The following CACNG6 variants were observed in gnomAD, a reference collection of about 807,000 sequenced individuals.
The protein encoded by CACNG6 is calcium voltage-gated channel auxiliary subunit gamma 6, also known as voltage-dependent calcium channel gamma-6 subunit.
Under a neutral mutation model 23.9 loss-of-function variants are expected in CACNG6, and 21 were observed. The observed-to-expected ratio is 0.88, with a 90% CI of 0.62 to 1.26. The LOEUF (loss-of-function observed/expected upper bound fraction) is 1.26, where lower values mean the gene tolerates loss of function less well. Among genes scored for constraint, CACNG6 ranks in the 50% most tolerant of loss-of-function variants. The pLI is 0.00. For missense variants in CACNG6, 340 were observed against 352.9 expected, an observed-to-expected ratio of 0.96 and a Z score of 0.29; for synonymous variants, 182 against 168.9, an observed-to-expected ratio of 1.08 and a Z score of -0.60.
rs890197615 is a variant in CACNG6 at position 53,999,626 on chromosome 19, G to T, written c.407-8G>T. The T allele has an allele frequency of 3.1e-6, 5 of 1,612,714 alleles. No homozygotes were observed. The African/African-American group carries it at 6.7e-5, about 22-fold the overall frequency. On this transcript the variant is annotated splice_region_variant and splice_polypyrimidine_tract_variant and intron_variant, in intron 2 of 3. Transcript: ENST00000252729. ...GTTCTCTGCTTCTTTCCTCTCTCCTGCTGGCAGAGGTGAATCTGGCAGCTG... is the reference window on the plus strand; with the variant it reads ...GTTCTCTGCTTCTTTCCTCTCTCCTTCTGGCAGAGGTGAATCTGGCAGCTG...
intron 3 of CACNG6, among the ~76,000 whole-genome samples, chr19:54,006,091 AAAAT>A (rs71193802): frequency 0.01 from 1,468 of 140,576 alleles, 20 homozygotes; most frequent in African/African-American, 0.036. Context: ...CTCTGTTTCA[AAAAT>A]AAATAAATAA....
chr19:54,001,550 G>A (rs777871457), intron 3 of CACNG6, among the ~76,000 whole-genome samples: 38 of 152,300 alleles, frequency 2.5e-4, no homozygotes, highest in South Asian at 8.3e-4. Flanking sequence ...GGTAATGCAG[G>A]TGTGAGTTTA....
intron 3 of CACNG6, among the ~76,000 whole-genome samples, chr19:54,007,910 GA>G (rs5828566): frequency 0.12 from 16,107 of 138,374 alleles, 1,742 homozygotes; most frequent in African/African-American, 0.29. Context: ...AAAGAGAAAA[GA>G]AAAAAAAAAA....
At chr19:53,995,968 C>T (rs1943612090) in intron 1 of CACNG6, among the ~76,000 whole-genome samples, 1 of 152,086 alleles carries the variant, frequency 6.6e-6, no homozygotes, top group African/African-American at 2.4e-5. Flanking sequence ...AGCCCAGCAT[C>T]CTCTACCTCT....
chr19:53,992,582 C>T lies in CACNG6; in HGVS notation c.-296C>T. The stretch of plus-strand genomic sequence containing the variant: ...TATCTCTAAACCTCAGGGTGGGGGC[C>T]TTGTTTTTCCTCTGGGCCCCGTCTT... On this transcript the variant is annotated 5_prime_UTR_variant, in exon 1 of 4. Transcript: ENST00000252729. This position sits in a 1 kb window ranked among gnomAD's most constrained non-coding sequence, Gnocchi z 4.1. The T allele has an allele frequency of 3.9e-6, 1 of 254,312 alleles. No individual in the cohort carries two copies. Among genetic ancestry groups the T allele is most frequent in the Non-Finnish European group, 7.4e-6 (1 of 134,738 alleles). The allele number at this position is 254,312 out of a possible 1,614,324, so 15.8% of individuals were successfully genotyped here. A position where few individuals can be genotyped will look rare whatever the true frequency, so the allele number is the denominator to read the frequency against.
chr19:54,002,414 C>T (rs758189188), intron 3 of CACNG6, among the ~76,000 whole-genome samples: 2 of 150,958 alleles, frequency 1.3e-5, no homozygotes, highest in African/African-American at 2.4e-5. Context: ...CCACCAAGCC[C>T]GGCCCCTCTC....
chr19:54,005,174 A>T (rs564993663), intron 3 of CACNG6, among the ~76,000 whole-genome samples: 66 of 150,878 alleles, frequency 4.4e-4, no homozygotes, highest in African/African-American at 1.5e-3. Context: ...GCGCCACTGC[A>T]CTCCAGCCTG....
chr19:54,012,066 C>T lies in CACNG6; in HGVS notation c.660C>T (p.Ser220=). Reference sequence around the variant, plus strand: ...GCCTCACCTACGAGTACTCCTGGTCCCTGGGCTGCGGCGTGGGGGCCGGCC... The same window carrying T: ...GCCTCACCTACGAGTACTCCTGGTCTCTGGGCTGCGGCGTGGGGGCCGGCC... The part of the protein sequence containing the change: ...APRLTYEYSW[S]LGCGVGAGLI... The change falls in exon 4 of 4, where the codon TCC becomes TCT. Residue 220 remains serine, a synonymous_variant. Coordinates refer to ENST00000252729, the MANE Select transcript of CACNG6 (RefSeq NM_145814.2). 6.2e-7 allele frequency: 1 copy of T among 1,601,654 alleles called. No homozygotes were observed. The highest frequency in any genetic ancestry group is 1.1e-5 in the South Asian group (1 of 89,868).
At chr19:54,006,658 C>T (rs1024826302) in intron 3 of CACNG6, among the ~76,000 whole-genome samples, 3 of 150,976 alleles carry the variant, frequency 2.0e-5, no homozygotes, top group South Asian at 2.1e-4. Flanking sequence ...CTCAGCCTCC[C>T]GAGTAGCTGG....
intron 1 of CACNG6, among the ~76,000 whole-genome samples, chr19:53,996,662 G>C (rs1005578758): frequency 5.3e-5 from 8 of 152,028 alleles, no homozygotes; most frequent in Middle Eastern, 3.4e-3. Flanking sequence ...CAATGTGTTG[G>C]GATTACAGGC....
Position 54,012,237 on chromosome 19 carries a change from C to A in CACNG6, c.*48C>A. ...AGCAACCACCGAGCCCTTTGACCTT[C>A]TCCATTGTACCCCCAAGATCTTTTT... On this transcript the variant is annotated 3_prime_UTR_variant, in exon 4 of 4. Coordinates refer to ENST00000252729, the MANE Select transcript of CACNG6 (RefSeq NM_145814.2). 1 of 807,678 alleles carries A rather than the reference C, an allele frequency of 1.2e-6. No individual in the cohort carries two copies. The highest frequency in any genetic ancestry group is 1.8e-6 in the Non-Finnish European group (1 of 547,886). The allele number at this position is 807,678 out of a possible 1,614,324, so 50.0% of individuals were successfully genotyped here.
At position 53,992,585 on chromosome 19, in the gene CACNG6, G is replaced by T; in HGVS notation, c.-293G>T. 1 of 261,050 alleles carries T rather than the reference G, an allele frequency of 3.8e-6. No homozygotes were observed. 16.2% of individuals were successfully genotyped at this position (261,050 alleles called of 1,614,324 possible). ...CTCTAAACCTCAGGGTGGGGGCCTTGTTTTTCCTCTGGGCCCCGTCTTCTT... is the reference window on the plus strand; with the variant it reads ...CTCTAAACCTCAGGGTGGGGGCCTTTTTTTTCCTCTGGGCCCCGTCTTCTT... On this transcript the variant is annotated 5_prime_UTR_variant, in exon 1 of 4. Transcript: ENST00000252729. The surrounding 1 kb of genome is among the most constrained non-coding windows in gnomAD (Gnocchi z 4.1).
intron 3 of CACNG6, among the ~76,000 whole-genome samples, chr19:54,003,418 C>T (rs529319161): frequency 6.6e-5 from 10 of 152,034 alleles, no homozygotes; most frequent in Middle Eastern, 3.4e-3. Context: ...TGGAGTGCAG[C>T]GGTGCGATCT....
At chr19:53,998,341 G>A in intron 2 of CACNG6, 28 bp downstream of exon 2, 1 of 1,593,340 alleles carries the variant, frequency 6.3e-7, no homozygotes, top group Non-Finnish European at 8.6e-7. Flanking sequence ...CCTGCTGGGT[G>A]ACAGGTGGGG....
intron 1 of CACNG6, among the ~76,000 whole-genome samples, chr19:53,994,766 G>T (rs891485612): frequency 1.3e-5 from 2 of 152,106 alleles, no homozygotes. Context: ...CCAAGCCCTC[G>T]ATAGGACAGT....
intron 3 of CACNG6, among the ~76,000 whole-genome samples, chr19:54,011,247 A>ACACACACACACACACAC (rs1281429168): frequency 9.4e-6 from 1 of 105,932 alleles, no homozygotes; most frequent in African/African-American, 3.7e-5. Flanking sequence ...CACACACACA[A>ACACACACACACACACAC]AAATTAGCCA....
intron 3 of CACNG6, among the ~76,000 whole-genome samples, chr19:54,004,728 G>A (rs1304664175): frequency 1.3e-5 from 2 of 151,936 alleles, no homozygotes; most frequent in Admixed American, 6.6e-5. Flanking sequence ...CATTCCTCCC[G>A]CAGCGTGTTT....
intron 3 of CACNG6, among the ~76,000 whole-genome samples, chr19:54,008,148 TTTGAGA>T (rs1203724821): frequency 2.0e-5 from 3 of 151,498 alleles, no homozygotes; most frequent in East Asian, 3.9e-4. Context: ...AGGTCAGGAG[TTTGAGA>T]CCAGCCTGGC....
Position 53,991,848 on chromosome 19 carries a change from A to G in CACNG6, c.-1030A>G, listed in dbSNP as rs961968678. ...GGGGGAGGGAGACGGACTGATCCCG[A>G]AGGGGCGCAGCGTCTCTTGCGGGTC... On this transcript the variant is annotated 5_prime_UTR_variant, in exon 1 of 4. Coordinates refer to ENST00000252729, the MANE Select transcript of CACNG6 (RefSeq NM_145814.2). Among the ~76,000 whole-genome samples the G allele has an allele frequency of 3.6e-4, 55 of 152,074 alleles. No individual in the cohort carries two copies. The highest frequency in any genetic ancestry group is 1.3e-3 in the African/African-American group (53 of 41,378).
Sources: gnomAD v4.1 joint callset for allele counts (sites outside exome capture counted in the v4.1 genomes callset) on GRCh38, gnomAD v4.1.1 for gene constraint, Gnocchi (gnomAD v3.1) non-coding constraint, MANE v1.5 for transcripts, NCBI Gene and HGNC (gene_info 2026-07-23, HGNC 2026-07-21) for gene names.